Variants in BMP8A observed in about 807,000 individuals in gnomAD.
BMP8A encodes the protein bone morphogenetic protein 8a, also known as BMP-8A.
Under a neutral mutation model 36.8 loss-of-function variants are expected in BMP8A, and 14 were observed. The ratio of observed to expected loss-of-function variants is 0.38; its 90% CI spans 0.25 to 0.60. The LOEUF is 0.60. BMP8A is among the 20% of genes least tolerant of loss of function. The pLI, the probability that BMP8A is intolerant of heterozygous loss-of-function variation, is 0.63. For synonymous variants in BMP8A, 120 were observed against 237.7 expected (o/e 0.50, Z 4.55); for missense variants, 267 against 551.1 (o/e 0.48, Z 5.16).
chr1:39,499,690 G>C (rs1047991098), intron 1 of BMP8A, among the ~76,000 whole-genome samples: 4 of 152,214 alleles, frequency 2.6e-5, no homozygotes, highest in Non-Finnish European at 4.4e-5. Context: ...GGCTGGAGGA[G>C]GAGGCTGAGG....
rs1408699628 is a variant in BMP8A at position 39,519,792 on chromosome 1, CTG to C, written c.674-1578_674-1577del. 2.1e-4 allele frequency among the ~76,000 whole-genome samples: 31 copies of C among 150,120 alleles called. No homozygotes were observed. The East Asian group carries it at 2.5e-3, about 12-fold the overall frequency. ...GATGTCTGTCTGAGCGTATGTGCATCTGTGTGTTTATGCAAACATATGCCTGT... is the reference window on the plus strand; with the variant it reads ...GATGTCTGTCTGAGCGTATGTGCATCTGTGTTTATGCAAACATATGCCTGT... On this transcript the variant is annotated intron_variant, in intron 3 of 6. Coordinates refer to ENST00000331593, the MANE Select transcript of BMP8A (RefSeq NM_181809.4).
At chr1:39,494,411 T>C (rs1343550021) in intron 1 of BMP8A, among the ~76,000 whole-genome samples, 1 of 150,998 alleles carries the variant, frequency 6.6e-6, no homozygotes, top group African/African-American at 2.4e-5. Flanking sequence ...AGTGTAGTGG[T>C]GCGATTATAG....
chr1:39,508,921 A>C (rs1645326283), intron 1 of BMP8A, among the ~76,000 whole-genome samples: 1 of 152,200 alleles, frequency 6.6e-6, no homozygotes, highest in African/African-American at 2.4e-5. Context: ...CGATTTCACA[A>C]GCCCACAGCG....
At chr1:39,495,381 C>T (rs1349566940) in intron 1 of BMP8A, among the ~76,000 whole-genome samples, 3 of 151,526 alleles carry the variant, frequency 2.0e-5, no homozygotes, top group African/African-American at 7.3e-5. Flanking sequence ...GAGGCCAGGG[C>T]TGGGGTCAGA....
rs367928152 is a variant in BMP8A at position 39,492,316 on chromosome 1, G to T, written c.325G>T (p.Val109Phe). The change falls in exon 1 of 7, where the codon GTC (valine) becomes TTC (phenylalanine). Residue 109 changes from valine to phenylalanine, a missense_variant. Transcript: ENST00000331593. ...LGRADLVMSF[V>F]NMVERDRALG... is the part of the protein sequence containing the mutation. ...CCGCGCCGACCTGGTCATGAGCTTCGTCAACATGGGTGAGTGCGGCCGCCC... is the reference window on the plus strand; with the variant it reads ...CCGCGCCGACCTGGTCATGAGCTTCTTCAACATGGGTGAGTGCGGCCGCCC... 1.9e-6 allele frequency: 3 copies of T among 1,559,574 alleles called. No homozygotes were observed. Among genetic ancestry groups the T allele is most frequent in the Non-Finnish European group, 2.6e-6 (3 of 1,164,338 alleles).
intron 1 of BMP8A, among the ~76,000 whole-genome samples, chr1:39,509,881 G>A (rs1645338193): frequency 6.6e-6 from 1 of 152,246 alleles, no homozygotes; most frequent in Non-Finnish European, 1.5e-5. Flanking sequence ...AGTTTGAAAG[G>A]GACGGGAGGC....
Position 39,492,289 on chromosome 1 carries a change from G to A in BMP8A, c.298G>A (p.Gly100Ser). Residue 100 changes from glycine to serine, a missense_variant, in exon 1 of 7, where the codon GGC becomes AGC. Around this residue, in one of 7 missense-constraint regions of BMP8A, gnomAD observed 37 missense variants for 39.5 expected, o/e 0.94. Coordinates refer to ENST00000331593, the MANE Select transcript of BMP8A (RefSeq NM_181809.4). The part of the protein sequence containing the change: ...EDGAPAEQRL[G>S]RADLVMSFVN... Reference sequence around the variant, plus strand: ...CGGCGCGCCCGCGGAGCAGCGCCTGGGCCGCGCCGACCTGGTCATGAGCTT... The same window carrying A: ...CGGCGCGCCCGCGGAGCAGCGCCTGAGCCGCGCCGACCTGGTCATGAGCTT... The A allele has an allele frequency of 6.4e-7, 1 of 1,564,950 alleles. No homozygotes were observed. The highest frequency in any genetic ancestry group is 1.8e-5 in the Admixed American group (1 of 56,384).
intron 1 of BMP8A, among the ~76,000 whole-genome samples, chr1:39,504,921 T>G (rs191417233): frequency 1.4e-4 from 22 of 152,208 alleles, no homozygotes; most frequent in Admixed American, 3.3e-4. Context: ...GATGTGCATG[T>G]AGGCCAGATT....
rs561056212 is a variant in BMP8A at position 39,514,946 on chromosome 1, C to T, written c.673+3042C>T. On this transcript the variant is annotated intron_variant, in intron 3 of 6. Coordinates refer to ENST00000331593, the MANE Select transcript of BMP8A (RefSeq NM_181809.4). ...ACACCACTTGTCCTGGCCTCCGACC[C>T]GGGCCGACTATGGCGGCGCTGCGGC... 6 of 1,507,182 alleles carry T rather than the reference C, an allele frequency of 4.0e-6. 1 individual carries two copies. In the African/African-American group the frequency reaches 5.7e-5, roughly 14 times the overall value. 93.4% of individuals were successfully genotyped at this position (1,507,182 alleles called of 1,614,324 possible). A position where few individuals can be genotyped will look rare whatever the true frequency, so the allele number is the denominator to read the frequency against.
intron 3 of BMP8A, among the ~76,000 whole-genome samples, chr1:39,516,970 T>C (rs920858409): frequency 6.6e-6 from 1 of 151,648 alleles, no homozygotes; most frequent in Non-Finnish European, 1.5e-5. Context: ...TGAGCTTGTT[T>C]TTTCTTTTTC....
In BMP8A at chr1:39,526,015, A is replaced by G. The variant is rs1233867336; in HGVS notation, c.*217A>G. 1 of 766,384 alleles carries G rather than the reference A, an allele frequency of 1.3e-6. No individual in the cohort carries two copies. Among genetic ancestry groups the G allele is most frequent in the Admixed American group, 2.9e-5 (1 of 34,752 alleles). The allele number at this position is 766,384 out of a possible 1,614,324, so 47.5% of individuals were successfully genotyped here. A position where few individuals can be genotyped will look rare whatever the true frequency, so the allele number is the denominator to read the frequency against. On this transcript the variant is annotated 3_prime_UTR_variant, in exon 7 of 7. Coordinates refer to ENST00000331593, the MANE Select transcript of BMP8A (RefSeq NM_181809.4). ...ACTCTGCCCGACACTTTGGTGGCCTAAGGCACACAGCAGCCTCAGAGCCTG... is the reference window on the plus strand; with the variant it reads ...ACTCTGCCCGACACTTTGGTGGCCTGAGGCACACAGCAGCCTCAGAGCCTG...
chr1:39,501,165 G>A (rs1019647729), intron 1 of BMP8A, among the ~76,000 whole-genome samples: 4 of 152,260 alleles, frequency 2.6e-5, no homozygotes, highest in Middle Eastern at 3.4e-3. Context: ...CCATTCCCCT[G>A]AGAGGGAAAC....
rs1177464307 is a variant in BMP8A, at chr1:39,511,280, G to C, written c.441G>C (p.Arg147=). 1 of 1,229,180 alleles carries C rather than the reference G, an allele frequency of 8.1e-7. No individual in the cohort carries two copies. The highest frequency in any genetic ancestry group is 1.6e-5 in the African/African-American group (1 of 63,306). 76.1% of individuals were successfully genotyped at this position (1,229,180 alleles called of 1,614,324 possible). The part of the protein sequence containing the change: ...AGEAVTAAEF[R]IYKVPSIHLL... ...AGGCGGTCACAGCTGCGGAGTTCCG[G>C]ATTTACAAGGTGCCCAGCATCCACC... Residue 147 remains arginine, a synonymous_variant, in exon 2 of 7, where the codon CGG becomes CGC. Transcript: ENST00000331593.
Position 39,523,017 on chromosome 1 carries a change from T to C in BMP8A, c.959T>C (p.Ile320Thr). ...FQDLGWLDWV[I>T]APQGYSAYYC... ...TCCCTTGCCCCCCAGGACTGGGTCA[T>C]CGCCCCCCAAGGCTACTCAGCCTAT... Residue 320 changes from isoleucine to threonine, a missense_variant, in exon 6 of 7, where the codon ATC (isoleucine) becomes ACC (threonine). This residue lies in a region of BMP8A where 132 missense variants were observed against 151.3 expected (regional missense o/e 0.87). Coordinates refer to ENST00000331593, the MANE Select transcript of BMP8A (RefSeq NM_181809.4). The C allele has an allele frequency of 6.2e-7, 1 of 1,610,370 alleles. No homozygotes were observed. Among genetic ancestry groups the C allele is most frequent in the Non-Finnish European group, 8.5e-7 (1 of 1,178,056 alleles).
At chr1:39,518,858 C>T (rs1645411563) in intron 3 of BMP8A, among the ~76,000 whole-genome samples, 1 of 143,368 alleles carries the variant, frequency 7.0e-6, no homozygotes, top group African/African-American at 2.8e-5. Context: ...ATATGACAAT[C>T]CTGGCTCCGA....
chr1:39,499,978 C>G (rs1046201605), intron 1 of BMP8A, among the ~76,000 whole-genome samples: 3 of 152,182 alleles, frequency 2.0e-5, no homozygotes, highest in African/African-American at 7.2e-5. Context: ...AAGTTCTTCC[C>G]AAGTCACAGG....
At position 39,526,449 on chromosome 1, in the gene BMP8A, G is replaced by A. The variant is rs908268625; in HGVS notation, c.*651G>A. ...TGCCTCCCAGGTTCAAGCAATTCTCGTGCCTCAGCCTCCTGAGTAGCTGGG... is the reference window on the plus strand; with the variant it reads ...TGCCTCCCAGGTTCAAGCAATTCTCATGCCTCAGCCTCCTGAGTAGCTGGG... On this transcript the variant is annotated 3_prime_UTR_variant, in exon 7 of 7. Coordinates refer to ENST00000331593, the MANE Select transcript of BMP8A (RefSeq NM_181809.4). Among the ~76,000 whole-genome samples the A allele has an allele frequency of 5.3e-5, 8 of 151,056 alleles. No individual in the cohort carries two copies. The highest frequency in any genetic ancestry group is 2.1e-4 in the South Asian group (1 of 4,786).
chr1:39,500,953 C>T (rs147386589), intron 1 of BMP8A, among the ~76,000 whole-genome samples: 180 of 152,274 alleles, frequency 1.2e-3, no homozygotes, highest in Non-Finnish European at 1.7e-3. Context: ...CACGCCCAGC[C>T]GAAAACAGGT....
At chr1:39,500,610 C>T (rs921293015) in intron 1 of BMP8A, among the ~76,000 whole-genome samples, 7 of 149,396 alleles carry the variant, frequency 4.7e-5, no homozygotes, top group Non-Finnish European at 1.0e-4. Flanking sequence ...CTGTAACAGA[C>T]TCCCTAAGGC....
Sources: allele counts gnomAD v4.1 joint callset (sites outside exome capture counted in the v4.1 genomes callset), GRCh38; gene constraint gnomAD v4.1.1; regional missense constraint gnomAD v4.1.1; transcripts MANE v1.5; gene names NCBI Gene and HGNC (gene_info 2026-07-23, HGNC 2026-07-21).